The following ASAP1 variants were observed in gnomAD, a reference collection of about 807,000 sequenced individuals.
ASAP1 encodes the protein ArfGAP with SH3 domain, ankyrin repeat and PH domain 1.
ASAP1 carries 43 observed loss-of-function variants against 145.2 expected under a neutral mutation model. The ratio of observed to expected loss-of-function variants is 0.30; its 90% confidence interval spans 0.23 to 0.38. The LOEUF is 0.38. Ranked by LOEUF, ASAP1 falls within the 10% of genes least tolerant of loss-of-function variation. ASAP1 has a pLI of 1.00. For synonymous variants in ASAP1, 546 were observed against 515.5 expected, an observed-to-expected ratio of 1.06 and a Z score of -0.80; for missense variants, 1,018 against 1,355.3, an observed-to-expected ratio of 0.75 and a Z score of 3.91.
chr8:130,202,458 C>T (rs960384843), intron 5 of ASAP1, among the ~76,000 whole-genome samples: 48 of 152,320 alleles, frequency 3.2e-4, no homozygotes, highest in African/African-American at 1.2e-3. Context: ...AGAGTGGGCA[C>T]TTGGTAACTG....
chr8:130,393,522 A>G (rs1041790656), intron 2 of ASAP1, among the ~76,000 whole-genome samples: 1 of 152,218 alleles, frequency 6.6e-6, no homozygotes, highest in Non-Finnish European at 1.5e-5. Context: ...TTGGGAGGCC[A>G]AGGCGGGCAG....
chr8:130,290,016 C>A (rs970646473), intron 3 of ASAP1, among the ~76,000 whole-genome samples: 1 of 152,094 alleles, frequency 6.6e-6, no homozygotes, highest in Non-Finnish European at 1.5e-5. Flanking sequence ...TGTACATGGT[C>A]ATTTATCTAA....
At chr8:130,134,741 T>C (rs1193838622) in intron 14 of ASAP1, among the ~76,000 whole-genome samples, 2 of 152,256 alleles carry the variant, frequency 1.3e-5, no homozygotes, top group Non-Finnish European at 2.9e-5. Context: ...AGGTCCTATT[T>C]GATCCAAATG....
chr8:130,060,679 T>G lies in ASAP1; in HGVS notation c.3092A>C (p.Gln1031Pro). 1 of 1,614,224 alleles carries G rather than the reference T, an allele frequency of 6.2e-7. No homozygotes were observed. The highest frequency in any genetic ancestry group is 1.1e-5 in the South Asian group (1 of 91,088). The change falls in exon 28 of 30, where the codon CAG becomes CCG. Residue 1031 changes from glutamine to proline, a missense_variant. This residue lies in a region of ASAP1 where 139 missense variants were observed against 131.0 expected (regional missense o/e 1.06). Coordinates refer to ENST00000518721, the MANE Select transcript of ASAP1 (RefSeq NM_018482.4). ...SHPLDLSPNV[Q>P]SRDAIQKQAS... ...TTGCTTTTGGATGGCGTCTCTGGAC[T>G]GCACATTTGGGGATAGATCCAATGG...
chr8:130,312,144 G>A (rs954205798), intron 3 of ASAP1, among the ~76,000 whole-genome samples: 7 of 152,028 alleles, frequency 4.6e-5, no homozygotes, highest in Admixed American at 2.6e-4. Context: ...TGGGTGTGGT[G>A]GTGTGCTCCT....
intron 9 of ASAP1, among the ~76,000 whole-genome samples, chr8:130,175,501 T>C (rs1398241819): frequency 1.3e-5 from 2 of 152,060 alleles, no homozygotes; most frequent in African/African-American, 2.4e-5. Context: ...GCTAGGATTA[T>C]AGGTGTGAGC....
intron 2 of ASAP1, among the ~76,000 whole-genome samples, chr8:130,398,007 A>C (rs779925385): frequency 1.3e-5 from 2 of 152,182 alleles, no homozygotes; most frequent in Non-Finnish European, 2.9e-5. Context: ...TGAATGAATC[A>C]ATCAGTCAGT....
intron 24 of ASAP1, among the ~76,000 whole-genome samples, chr8:130,095,770 C>T (rs921421210): frequency 3.3e-5 from 5 of 151,744 alleles, no homozygotes; most frequent in Non-Finnish European, 7.4e-5. Context: ...AGGTGCACGC[C>T]GCCACACCCG....
At chr8:130,160,708 G>A (rs1565033738) in intron 11 of ASAP1, 8 of 978,182 alleles carry the variant, frequency 8.2e-6, no homozygotes, top group Admixed American at 6.7e-5. Context: ...AATCAACAAC[G>A]TTGAACTGCA....
chr8:130,088,255 C>A (rs574103063), intron 25 of ASAP1, among the ~76,000 whole-genome samples: 1 of 152,240 alleles, frequency 6.6e-6, no homozygotes, highest in South Asian at 2.1e-4. Context: ...CTTAGCCTCC[C>A]GAGTAGCTGG....
intron 18 of ASAP1, among the ~76,000 whole-genome samples, chr8:130,121,783 TCAAAAAAAAAAAAAA>T (rs1182809574): frequency 7.6e-5 from 1 of 13,184 alleles, no homozygotes; most frequent in Admixed American, 1.5e-3. Flanking sequence ...AAATTCCATC[TCAAAAAAAAAAAAAA>T]AAAAAAAAAA....
At chr8:130,272,643 T>C (rs969071133) in intron 3 of ASAP1, among the ~76,000 whole-genome samples, 10 of 152,192 alleles carry the variant, frequency 6.6e-5, no homozygotes, top group Admixed American at 4.6e-4. Flanking sequence ...ATGTAGTATA[T>C]ATACAAATGG....
chr8:130,375,286 A>G (rs7828689), intron 2 of ASAP1, among the ~76,000 whole-genome samples: 2,571 of 152,134 alleles, frequency 0.017, 75 homozygotes, highest in African/African-American at 0.058. Context: ...TCTATTGGCC[A>G]CTGCAGGAAT....
At chr8:130,181,937 A>T (rs1238826535) in intron 7 of ASAP1, among the ~76,000 whole-genome samples, 1 of 152,242 alleles carries the variant, frequency 6.6e-6, no homozygotes, top group Non-Finnish European at 1.5e-5. Flanking sequence ...CTCTGAAGAA[A>T]GCCAACATCC....
At chr8:130,101,732 ATT>A (rs59778799) in intron 24 of ASAP1, among the ~76,000 whole-genome samples, 89 of 86,916 alleles carry the variant, frequency 1.0e-3, no homozygotes, top group Middle Eastern at 0.014. Flanking sequence ...CACCTGGTTA[ATT>A]TTTTTTTTTT....
chr8:130,282,310 T>G (rs2137197417), intron 3 of ASAP1, among the ~76,000 whole-genome samples: 1 of 152,292 alleles, frequency 6.6e-6, no homozygotes, highest in South Asian at 2.1e-4. Flanking sequence ...TAAAGAAACA[T>G]AAAATATATT....
intron 4 of ASAP1, among the ~76,000 whole-genome samples, chr8:130,221,079 C>T (rs186074810): frequency 6.1e-4 from 93 of 152,076 alleles, no homozygotes; most frequent in Admixed American, 4.0e-3. Flanking sequence ...ACCAAAAATA[C>T]GAAAATTAGC....
chr8:130,434,974 G>C (rs996229339), intron 1 of ASAP1, among the ~76,000 whole-genome samples: 1 of 152,208 alleles, frequency 6.6e-6, no homozygotes, highest in Admixed American at 6.5e-5. Context: ...TACAGGGCGA[G>C]GTGAAGGAAG....
intron 3 of ASAP1, chr8:130,340,791 T>A: frequency 2.5e-6 from 1 of 402,532 alleles, no homozygotes; most frequent in South Asian, 1.8e-5. Flanking sequence ...AGGATAAAAT[T>A]TACATAAAGA....
Sources: allele counts gnomAD v4.1 joint callset (sites outside exome capture counted in the v4.1 genomes callset), GRCh38; gene constraint gnomAD v4.1.1; regional missense constraint gnomAD v4.1.1; transcripts MANE v1.5; gene names NCBI Gene and HGNC (gene_info 2026-07-23, HGNC 2026-07-21).